The following FHIT variants were observed in gnomAD, a reference collection of about 807,000 sequenced individuals.
FHIT encodes the protein fragile histidine triad diadenosine triphosphatase.
A neutral mutation model predicts 17.9 loss-of-function variants in FHIT; 19 were observed. The observed-to-expected ratio is 1.06, with a 90% CI of 0.74 to 1.56. FHIT has a LOEUF of 1.56. FHIT is among the 40% of genes most tolerant of loss of function. FHIT has a pLI of 0.00. For synonymous variants in FHIT, 81 were observed against 69.7 expected (o/e 1.16, Z -0.81); for missense variants, 248 against 189.2 (o/e 1.31, Z -1.82).
intron 3 of FHIT, among the ~76,000 whole-genome samples, chr3:60,853,000 T>C (rs1703215206): frequency 6.6e-6 from 1 of 152,146 alleles, no homozygotes; most frequent in African/African-American, 2.4e-5. Context: ...ATTAATTTAA[T>C]TGGATACTTA....
intron 7 of FHIT, among the ~76,000 whole-genome samples, chr3:59,946,832 T>C (rs1345393835): frequency 6.6e-6 from 1 of 152,236 alleles, no homozygotes; most frequent in Non-Finnish European, 1.5e-5. Flanking sequence ...TTGTATATAT[T>C]GAGTCAACCT....
chr3:59,975,476 G>T (rs957975182), intron 7 of FHIT, among the ~76,000 whole-genome samples: 6 of 151,924 alleles, frequency 3.9e-5, no homozygotes, highest in Non-Finnish European at 7.4e-5. Context: ...AACAACAAAT[G>T]TTAGCCATTA....
chr3:61,047,713 G>T (rs191741166), intron 2 of FHIT, among the ~76,000 whole-genome samples: 2 of 152,086 alleles, frequency 1.3e-5, no homozygotes, highest in Non-Finnish European at 2.9e-5. Context: ...GAGCCATCAC[G>T]CTACCTGACT....
chr3:61,026,744 A>T (rs2032754802), intron 3 of FHIT, among the ~76,000 whole-genome samples: 1 of 152,154 alleles, frequency 6.6e-6, no homozygotes, highest in Non-Finnish European at 1.5e-5. Context: ...AGGGAAGCCA[A>T]AAGATTGGAC....
chr3:61,084,535 G>C (rs1025389978), intron 2 of FHIT, among the ~76,000 whole-genome samples: 2 of 152,044 alleles, frequency 1.3e-5, no homozygotes, highest in Non-Finnish European at 2.9e-5. Context: ...TCATATATTA[G>C]GTCATCTTTA....
At chr3:60,183,289 T>A (rs1399030147) in intron 5 of FHIT, among the ~76,000 whole-genome samples, 1 of 152,028 alleles carries the variant, frequency 6.6e-6, no homozygotes, top group South Asian at 2.1e-4. Context: ...TCCCAGCTAC[T>A]TGGGAGGCTT....
chr3:60,441,790 A>ATGTGTGTGTGTG (rs1559916335), intron 5 of FHIT, among the ~76,000 whole-genome samples: 2 of 43,392 alleles, frequency 4.6e-5, no homozygotes, highest in African/African-American at 1.1e-4. Flanking sequence ...AAAAATATAT[A>ATGTGTGTGTGTG]TATATATATA....
In FHIT at chr3:59,749,517, G is replaced by GA. The variant is rs990911097; in HGVS notation, c.*67_*68insT. ...ATTCAGTTCCTCTTGGGGAGAGGCG[G>GA]GGGGCGGTCTTCAAACTGGTTGGCA... is the stretch of plus-strand genomic sequence containing the variant. On this transcript the variant is annotated 3_prime_UTR_variant, in exon 10 of 10. Coordinates refer to ENST00000492590, the MANE Select transcript of FHIT (RefSeq NM_002012.4). 9.5e-5 allele frequency: 22 copies of GA among 231,400 alleles called. No homozygotes were observed. Among genetic ancestry groups the GA allele is most frequent in the African/African-American group, 4.0e-4 (18 of 45,038 alleles). 14.3% of individuals were successfully genotyped at this position (231,400 alleles called of 1,614,324 possible).
intron 5 of FHIT, among the ~76,000 whole-genome samples, chr3:60,173,803 G>C (rs990584292): frequency 2.7e-5 from 4 of 146,036 alleles, no homozygotes; most frequent in African/African-American, 1.0e-4. Context: ...TCGAGAAAAG[G>C]ACATTAAATT....
intron 5 of FHIT, among the ~76,000 whole-genome samples, chr3:60,170,620 T>C (rs1302516549): frequency 7.2e-5 from 11 of 152,196 alleles, no homozygotes; most frequent in Non-Finnish European, 1.5e-5. Context: ...TGTTAACTCA[T>C]GAATTATCTT....
rs149273334 is a variant in FHIT at position 60,326,561 on chromosome 3, C to T, written c.103+210299G>A. Among the ~76,000 whole-genome samples, 40 of 152,314 alleles carry T rather than the reference C, an allele frequency of 2.6e-4. No individual in the cohort carries two copies. In the East Asian group the frequency reaches 5.8e-3, roughly 22 times the overall value. On this transcript the variant is annotated intron_variant, in intron 5 of 9. Transcript: ENST00000492590. The stretch of plus-strand genomic sequence containing the variant: ...CCACTGCTCACTTGTTGCTGTGTGG[C>T]CAGGTTCCTAACAGGCCATGGACTG...
At chr3:61,056,554 G>C (rs569823406) in intron 2 of FHIT, among the ~76,000 whole-genome samples, 1 of 152,250 alleles carries the variant, frequency 6.6e-6, no homozygotes, top group African/African-American at 2.4e-5. Flanking sequence ...AGGTGGTCAG[G>C]GGAGGCCTTC....
intron 3 of FHIT, among the ~76,000 whole-genome samples, chr3:60,938,729 C>T (rs1229415827): frequency 1.3e-5 from 2 of 152,192 alleles, no homozygotes; most frequent in African/African-American, 4.8e-5. Context: ...ATTGCCGTAA[C>T]AGAAATGGCC....
intron 3 of FHIT, among the ~76,000 whole-genome samples, chr3:60,963,063 C>G (rs1158100286): frequency 6.6e-6 from 1 of 152,144 alleles, no homozygotes; most frequent in Non-Finnish European, 1.5e-5. Flanking sequence ...TGGTCCTGGA[C>G]TTTTTTTGGT....
Position 60,183,999 on chromosome 3 carries a change from T to A in FHIT, c.104-169847A>T, listed in dbSNP as rs1425795013. Among the ~76,000 whole-genome samples, 9 of 5,382 alleles carry A rather than the reference T, an allele frequency of 1.7e-3. No individual in the cohort carries two copies. The East Asian group carries it at 0.3, about 179-fold the overall frequency. 3.5% of individuals were successfully genotyped at this position (5,382 alleles called of 152,430 possible). On this transcript the variant is annotated intron_variant, in intron 5 of 9. Coordinates refer to ENST00000492590, the MANE Select transcript of FHIT (RefSeq NM_002012.4). ...ATTATTTATATTAATTTATTTTTCG[T>A]TTTTTTTTTTGAGTCAGGGTCTTTG...
intron 5 of FHIT, among the ~76,000 whole-genome samples, chr3:60,202,201 A>G (rs149124002): frequency 1.8e-4 from 28 of 152,348 alleles, no homozygotes; most frequent in African/African-American, 6.5e-4. Flanking sequence ...CCTTTAAAGC[A>G]TATCACTTCA....
chr3:59,914,839 C>T (rs990669365), intron 8 of FHIT, among the ~76,000 whole-genome samples: 1 of 151,570 alleles, frequency 6.6e-6, no homozygotes, highest in Non-Finnish European at 1.5e-5. Flanking sequence ...TCCTTAATCC[C>T]TATACTCTCA....
intron 2 of FHIT, among the ~76,000 whole-genome samples, chr3:61,097,736 C>T (rs1156756197): frequency 6.6e-6 from 1 of 152,018 alleles, no homozygotes; most frequent in East Asian, 1.9e-4. Context: ...TTTTTGTTGG[C>T]CACATGTATG....
intron 5 of FHIT, among the ~76,000 whole-genome samples, chr3:60,157,096 TTTA>T (rs1187917991): frequency 6.6e-6 from 1 of 152,158 alleles, no homozygotes. Context: ...ATAAATATTT[TTTA>T]TTTATAAACA....
Sources: gnomAD v4.1 joint callset for allele counts (sites outside exome capture counted in the v4.1 genomes callset) on GRCh38, gnomAD v4.1.1 for gene constraint, MANE v1.5 for transcripts, NCBI Gene and HGNC (gene_info 2026-07-23, HGNC 2026-07-21) for gene names.